CYRIB: variants seen among roughly 807,000 people sequenced by gnomAD.
CYRIB encodes CYFIP related Rac1 interactor B.
CYRIB carries 8 observed loss-of-function variants against 44.2 expected under a neutral mutation model. The ratio of observed to expected loss-of-function variants is 0.18; its 90% CI spans 0.11 to 0.33. The LOEUF (loss-of-function observed/expected upper bound fraction) is 0.33. Among genes scored for constraint, CYRIB ranks in the 10% least tolerant of loss-of-function variants. The pLI is 1.00. For synonymous variants in CYRIB, 131 were observed against 127.2 expected (o/e 1.03, Z -0.20); for missense variants, 185 against 382.8 (o/e 0.48, Z 4.31).
intron 1 of CYRIB, among the ~76,000 whole-genome samples, chr8:129,998,302 A>G (rs1174450350): frequency 6.6e-6 from 1 of 152,126 alleles, no homozygotes; most frequent in Non-Finnish European, 1.5e-5. Context: ...ACCTGGGTAC[A>G]GAGGAGGACC....
At position 129,957,793 on chromosome 8, in the gene CYRIB, G is replaced by A. The variant is rs567368205; in HGVS notation, c.-243+13150C>T. 3.3e-5 allele frequency among the ~76,000 whole-genome samples: 5 copies of A among 151,946 alleles called. No homozygotes were observed. The East Asian group carries it at 7.8e-4, about 24-fold the overall frequency. Reference sequence around the variant, plus strand: ...ATCCTGGCTAACATGGTGAAACCCCGTCTCTACTAAAAATACAAGAAATTA... The same window carrying A: ...ATCCTGGCTAACATGGTGAAACCCCATCTCTACTAAAAATACAAGAAATTA... On this transcript the variant is annotated intron_variant, in intron 2 of 14. Coordinates refer to the CYRIB transcript ENST00000401979.
At chr8:130,003,595 G>A (rs1008934685) in intron 1 of CYRIB, among the ~76,000 whole-genome samples, 7 of 152,232 alleles carry the variant, frequency 4.6e-5, no homozygotes, top group Non-Finnish European at 8.8e-5. Context: ...CATAATGCAT[G>A]CGAGGATAAG....
intron 2 of CYRIB, among the ~76,000 whole-genome samples, chr8:129,950,032 A>G (rs2094421542): frequency 6.6e-6 from 1 of 152,226 alleles, no homozygotes; most frequent in Non-Finnish European, 1.5e-5. Context: ...CATAGGAAAC[A>G]TAATCAGTAA....
intron 1 of CYRIB, among the ~76,000 whole-genome samples, chr8:129,974,211 C>A (rs1481516372): frequency 6.6e-6 from 1 of 152,136 alleles, no homozygotes; most frequent in African/African-American, 2.4e-5. Context: ...AGTCTAATTC[C>A]CTCATTTTAT....
At chr8:129,873,364 A>G (rs1220006420) in intron 3 of CYRIB, among the ~76,000 whole-genome samples, 1 of 152,022 alleles carries the variant, frequency 6.6e-6, no homozygotes, top group Non-Finnish European at 1.5e-5. Flanking sequence ...ATTTAGCAGT[A>G]ATAATTTACT....
At chr8:129,975,063 T>A (rs1038115264) in intron 1 of CYRIB, among the ~76,000 whole-genome samples, 1 of 152,090 alleles carries the variant, frequency 6.6e-6, no homozygotes, top group Non-Finnish European at 1.5e-5. Flanking sequence ...GTGTTTCTAG[T>A]AGAAACAGGG....
chr8:129,988,114 C>G (rs1178066019), intron 1 of CYRIB, among the ~76,000 whole-genome samples: 1 of 152,136 alleles, frequency 6.6e-6, no homozygotes, highest in Non-Finnish European at 1.5e-5. Context: ...GCGTCAGCCC[C>G]AAGTGAGGAC....
At chr8:129,996,932 A>G (rs932731497) in intron 1 of CYRIB, among the ~76,000 whole-genome samples, 4 of 152,126 alleles carry the variant, frequency 2.6e-5, no homozygotes, top group African/African-American at 7.2e-5. Flanking sequence ...CACCTAGAGT[A>G]TGTTCTATTC....
At chr8:129,843,302 T>C (rs2037624128) in intron 11 of CYRIB, among the ~76,000 whole-genome samples, 1 of 152,212 alleles carries the variant, frequency 6.6e-6, no homozygotes, top group South Asian at 2.1e-4. Context: ...GTGGAGCATA[T>C]TAAGCAGGAG....
At chr8:129,841,291 C>T (rs2036198463) in exon 12 of CYRIB, 1 of 152,062 alleles carries the variant, frequency 6.6e-6, no homozygotes, top group African/African-American at 2.4e-5. Flanking sequence ...ATATACTTAG[C>T]AAAATTTTAA....
rs185604432 is a variant in CYRIB at position 129,951,562 on chromosome 8, T to C, written c.-243+19381A>G. On this transcript the variant is annotated intron_variant, in intron 2 of 14. Transcript: ENST00000401979. ...TCTACTAAAAATACAAAAAATTAGC[T>C]GGCCGTGGTGGCACGTGCCTGTAAT... 4.6e-4 allele frequency among the ~76,000 whole-genome samples: 70 copies of C among 151,926 alleles called. No individual in the cohort carries two copies. In the South Asian group the frequency reaches 0.01, roughly 22 times the overall value.
chr8:129,899,576 T>C (rs1382403630), intron 2 of CYRIB, among the ~76,000 whole-genome samples: 6 of 152,208 alleles, frequency 3.9e-5, no homozygotes, highest in Admixed American at 3.9e-4. Context: ...CCACTTTGAA[T>C]TTTTACTGTC....
In CYRIB at chr8:129,845,661, C is replaced by A. The variant is rs193115806; in HGVS notation, c.911+1143G>T. Among the ~76,000 whole-genome samples the A allele has an allele frequency of 1.2e-4, 18 of 152,164 alleles. No homozygotes were observed. In the East Asian group the frequency reaches 3.3e-3, roughly 28 times the overall value. ...TTAATAAAATCATTTGACAGTTCCGCTTAGCTGAAATGATACAGCCTACAT... is the reference window on the plus strand; with the variant it reads ...TTAATAAAATCATTTGACAGTTCCGATTAGCTGAAATGATACAGCCTACAT... On this transcript the variant is annotated intron_variant, in intron 11 of 11. Coordinates refer to ENST00000519824, the Ensembl canonical transcript of CYRIB.
chr8:129,941,702 A>G (rs2093719800), upstream of CYRIB, among the ~76,000 whole-genome samples: 1 of 152,188 alleles, frequency 6.6e-6, no homozygotes, highest in African/African-American at 2.4e-5. Context: ...ACTGTCCTCA[A>G]TGTGAACAGG....
At chr8:129,995,612 G>A (rs1163808808) in intron 1 of CYRIB, among the ~76,000 whole-genome samples, 1 of 152,220 alleles carries the variant, frequency 6.6e-6, no homozygotes, top group African/African-American at 2.4e-5. Context: ...GAGGAGAGGA[G>A]AACAGAGAAG....
intron 11 of CYRIB, among the ~76,000 whole-genome samples, chr8:129,843,534 C>G (rs915366454): frequency 1.3e-5 from 2 of 152,208 alleles, no homozygotes; most frequent in Non-Finnish European, 2.9e-5. Flanking sequence ...ACAGAGAAAT[C>G]TGGTTCACAA....
At chr8:129,850,773 G>A (rs2042862118) in intron 9 of CYRIB, 62 bp downstream of exon 11, 2 of 1,151,970 alleles carry the variant, frequency 1.7e-6, no homozygotes, top group Non-Finnish European at 2.6e-6. Context: ...ATATGAACAT[G>A]TTTTGAAATA....
At chr8:129,950,476 A>C (rs2094448065) in intron 2 of CYRIB, among the ~76,000 whole-genome samples, 1 of 152,146 alleles carries the variant, frequency 6.6e-6, no homozygotes, top group South Asian at 2.1e-4. Context: ...AGGCTGAGAC[A>C]GGAGAATCAC....
At chr8:129,871,581 A>T in intron 3 of CYRIB, 85 bp from the exon 6 acceptor site, 1 of 1,409,748 alleles carries the variant, frequency 7.1e-7, no homozygotes, top group South Asian at 1.4e-5. Context: ...TAACAACCCA[A>T]ATTTCCAAAG....
Sources: allele counts gnomAD v4.1 joint callset (sites outside exome capture counted in the v4.1 genomes callset), GRCh38; gene constraint gnomAD v4.1.1; transcripts MANE v1.5; gene names NCBI Gene and HGNC (gene_info 2026-07-23, HGNC 2026-07-21).